OPCML: variants seen among roughly 807,000 people sequenced by gnomAD.
The protein encoded by OPCML is opioid binding protein/cell adhesion molecule like.
OPCML carries 13 observed loss-of-function variants against 37.8 expected under a neutral mutation model. The observed-to-expected ratio is 0.34, with a 90% CI of 0.22 to 0.55. The LOEUF (loss-of-function observed/expected upper bound fraction) is 0.55. Among genes scored for constraint, OPCML ranks in the 20% least tolerant of loss-of-function variants. The pLI, the probability that OPCML is intolerant of heterozygous loss-of-function variation, is 0.91. For missense variants in OPCML, 341 were observed against 435.6 expected (o/e 0.78, Z 1.93); for synonymous variants, 176 against 168.8 (o/e 1.04, Z -0.33).
chr11:133,025,498 C>G lies in OPCML; in HGVS notation c.62-82488G>C, dbSNP rs893299267. 4.1e-5 allele frequency: 40 copies of G among 984,612 alleles called. No homozygotes were observed. The African/African-American group carries it at 6.5e-4, about 16-fold the overall frequency. The allele number at this position is 984,612 out of a possible 1,614,324, so 61.0% of individuals were successfully genotyped here. A position where few individuals can be genotyped will look rare whatever the true frequency, so the allele number is the denominator to read the frequency against. ...TATTTGGTAATCTAGTCAGTCGGCT[C>G]TCTCAGGAACACTGGATTCTTCGGT... is the stretch of plus-strand genomic sequence containing the variant. On this transcript the variant is annotated intron_variant, in intron 1 of 7. Coordinates refer to ENST00000524381, the MANE Select transcript of OPCML (RefSeq NM_001012393.5).
At chr11:133,297,782 A>T (rs2212518) in intron 1 of OPCML, 46,035 of 152,102 alleles carry the variant, frequency 0.3, 8,317 homozygotes, top group East Asian at 0.69. Context: ...CTTTTAAAAA[A>T]CATATGCCTG....
At chr11:132,961,300 G>A (rs967336225) in intron 1 of OPCML, among the ~76,000 whole-genome samples, 2 of 152,116 alleles carry the variant, frequency 1.3e-5, no homozygotes, top group Middle Eastern at 3.4e-3. Flanking sequence ...AGATTTCTAC[G>A]TCTTAAATTT....
chr11:132,614,847 A>T (rs1409876076), intron 3 of OPCML, among the ~76,000 whole-genome samples: 1 of 152,190 alleles, frequency 6.6e-6, no homozygotes, highest in Non-Finnish European at 1.5e-5. Flanking sequence ...AAGTCCAATA[A>T]CATACTGAGA....
intron 1 of OPCML, among the ~76,000 whole-genome samples, chr11:132,955,175 T>C (rs1052059258): frequency 2.0e-5 from 3 of 152,102 alleles, no homozygotes; most frequent in Non-Finnish European, 4.4e-5. Flanking sequence ...TGGGGGAGGT[T>C]GGCACGGTTT....
At chr11:132,425,982 A>T (rs1338329851) in intron 7 of OPCML, among the ~76,000 whole-genome samples, 1 of 152,252 alleles carries the variant, frequency 6.6e-6, no homozygotes, top group Non-Finnish European at 1.5e-5. Flanking sequence ...ATGGAAAGTG[A>T]GAACATGTAA....
At chr11:132,623,107 A>C (rs1939520204) in intron 3 of OPCML, among the ~76,000 whole-genome samples, 1 of 152,210 alleles carries the variant, frequency 6.6e-6, no homozygotes, top group African/African-American at 2.4e-5. Context: ...TAATAAGGTC[A>C]AAGGGGAAAA....
chr11:133,052,145 T>C (rs911482173), intron 1 of OPCML, among the ~76,000 whole-genome samples: 1 of 152,212 alleles, frequency 6.6e-6, no homozygotes, highest in Non-Finnish European at 1.5e-5. Flanking sequence ...TTCTGATGAG[T>C]AGGACATTAA....
At chr11:133,368,471 C>G (rs1473708485) in intron 1 of OPCML, among the ~76,000 whole-genome samples, 3 of 152,094 alleles carry the variant, frequency 2.0e-5, no homozygotes, top group Admixed American at 1.3e-4. Flanking sequence ...TGCCAGACTA[C>G]TTTGGTCCAA....
Position 133,345,240 on chromosome 11 carries a change from T to C in OPCML, c.61+187024A>G, listed in dbSNP as rs144109511. Among the ~76,000 whole-genome samples the C allele has an allele frequency of 1.4e-3, 212 of 152,326 alleles. 1 individual carries two copies. Among genetic ancestry groups the C allele is most frequent in the African/African-American group, 4.7e-3 (194 of 41,576 alleles). On this transcript the variant is annotated intron_variant, in intron 1 of 7. Coordinates refer to ENST00000524381, the MANE Select transcript of OPCML (RefSeq NM_001012393.5). ...AAATCTCAGGATAGGAAGAGATCTA[T>C]GGGAAAGTATTCCCACTAGGTGTTC...
At chr11:132,522,751 G>C (rs181160221) in intron 4 of OPCML, among the ~76,000 whole-genome samples, 1 of 152,312 alleles carries the variant, frequency 6.6e-6, no homozygotes, top group East Asian at 1.9e-4. Flanking sequence ...AGGTTGATAA[G>C]ACTCTGAAGT....
chr11:132,677,615 T>G (rs1211304209), intron 2 of OPCML, among the ~76,000 whole-genome samples: 1 of 151,940 alleles, frequency 6.6e-6, no homozygotes, highest in African/African-American at 2.4e-5. Flanking sequence ...CTTCAGAGAG[T>G]CTACTGATCT....
intron 2 of OPCML, among the ~76,000 whole-genome samples, chr11:132,895,149 G>C (rs1374206478): frequency 6.6e-6 from 1 of 152,160 alleles, no homozygotes; most frequent in Non-Finnish European, 1.5e-5. Context: ...AGCACAGAGA[G>C]CACTGAACTC....
At chr11:132,946,961 C>T (rs1428597019) in intron 1 of OPCML, among the ~76,000 whole-genome samples, 2 of 152,094 alleles carry the variant, frequency 1.3e-5, no homozygotes, top group Admixed American at 6.6e-5. Flanking sequence ...AACCTGAGGC[C>T]GGGCTTATGA....
At chr11:132,566,864 G>T (rs1451274910) in intron 3 of OPCML, among the ~76,000 whole-genome samples, 2 of 152,050 alleles carry the variant, frequency 1.3e-5, no homozygotes, top group Non-Finnish European at 2.9e-5. Context: ...GGATAGTGAT[G>T]AAGGATATTG....
chr11:133,038,726 T>C (rs1947830095), intron 1 of OPCML, among the ~76,000 whole-genome samples: 1 of 151,998 alleles, frequency 6.6e-6, no homozygotes, highest in Non-Finnish European at 1.5e-5. Context: ...CTCTCTGCTG[T>C]CTAAGGTGAG....
intron 1 of OPCML, among the ~76,000 whole-genome samples, chr11:133,136,600 G>A (rs992455318): frequency 2.6e-5 from 4 of 152,056 alleles, no homozygotes; most frequent in East Asian, 1.9e-4. Context: ...AGGAAGAGGC[G>A]CTCCTGGAAT....
chr11:132,666,835 C>A (rs1942247908), intron 2 of OPCML, among the ~76,000 whole-genome samples: 1 of 152,298 alleles, frequency 6.6e-6, no homozygotes, highest in South Asian at 2.1e-4. Flanking sequence ...AGGTAGACAT[C>A]TCCATGGTAA....
chr11:132,475,483 G>T (rs775614827), intron 4 of OPCML, among the ~76,000 whole-genome samples: 1 of 152,060 alleles, frequency 6.6e-6, no homozygotes, highest in Non-Finnish European at 1.5e-5. Flanking sequence ...TTACAATGAG[G>T]CCATTAGGGT....
At chr11:133,293,218 C>T (rs949954487) in intron 1 of OPCML, among the ~76,000 whole-genome samples, 3 of 152,150 alleles carry the variant, frequency 2.0e-5, no homozygotes, top group African/African-American at 7.2e-5. Context: ...AGGACAGTCA[C>T]GGCACCCCAC....
Sources: gnomAD v4.1 joint callset for allele counts (sites outside exome capture counted in the v4.1 genomes callset) on GRCh38, gnomAD v4.1.1 for gene constraint, MANE v1.5 for transcripts, NCBI Gene and HGNC (gene_info 2026-07-23, HGNC 2026-07-21) for gene names.